RAPGEF6: variants seen among roughly 807,000 people sequenced by gnomAD.
RAPGEF6 encodes the protein PDZ domain containing guanine nucleotide exchange factor (GEF) 2.
RAPGEF6 carries 56 observed loss-of-function variants against 171.4 expected under a neutral mutation model. The observed-to-expected ratio is 0.33, with a 90% CI of 0.26 to 0.41. The LOEUF is 0.41. Among genes scored for constraint, RAPGEF6 ranks in the 10% least tolerant of loss-of-function variants. RAPGEF6 has a pLI of 1.00. For missense variants in RAPGEF6, 1,674 were observed against 1,921.4 expected (o/e 0.87, Z 2.41); for synonymous variants, 692 against 650.1 (o/e 1.06, Z -0.98).
intron 24 of RAPGEF6, among the ~76,000 whole-genome samples, chr5:131,433,940 T>C (rs1751868576): frequency 6.6e-6 from 1 of 152,202 alleles, no homozygotes; most frequent in African/African-American, 2.4e-5. Flanking sequence ...AAGGTATATC[T>C]TTCTCAGGCT....
chr5:131,498,640 TAAAC>T (rs1211045286), intron 11 of RAPGEF6, 33 bp from the exon 12 acceptor site: 1 of 1,588,528 alleles, frequency 6.3e-7, no homozygotes, highest in Admixed American at 1.7e-5. Context: ...GATTAGAAAA[TAAAC>T]AAATGACCCA....
intron 24 of RAPGEF6, among the ~76,000 whole-genome samples, chr5:131,438,485 T>G (rs1445640855): frequency 1.3e-5 from 2 of 152,200 alleles, no homozygotes; most frequent in African/African-American, 2.4e-5. Flanking sequence ...ATTATTATAA[T>G]AAGCTTGTCT....
chr5:131,604,917 TCAAA>T (rs1764464723), intron 1 of RAPGEF6, among the ~76,000 whole-genome samples: 1 of 152,172 alleles, frequency 6.6e-6, no homozygotes, highest in African/African-American at 2.4e-5. Context: ...CTCTATTCAT[TCAAA>T]CAATGCCAGA....
At chr5:131,521,628 T>C (rs1229550984) in intron 6 of RAPGEF6, 107 bp from the exon 7 acceptor site, 1 of 1,017,464 alleles carries the variant, frequency 9.8e-7, no homozygotes, top group African/African-American at 1.7e-5. Context: ...CAATCTCTTT[T>C]TTAACCCAAG....
chr5:131,551,559 ACT>A, intron 5 of RAPGEF6, among the ~76,000 whole-genome samples: 1 of 151,616 alleles, frequency 6.6e-6, no homozygotes, highest in Non-Finnish European at 1.5e-5. Flanking sequence ...GTGAATCAGG[ACT>A]CAAAACCCAA....
chr5:131,540,346 C>G (rs1760051423), intron 6 of RAPGEF6, among the ~76,000 whole-genome samples: 2 of 152,184 alleles, frequency 1.3e-5, no homozygotes, highest in African/African-American at 4.8e-5. Context: ...AGTGATTAGA[C>G]TGCGTGAGCC....
intron 4 of RAPGEF6, among the ~76,000 whole-genome samples, chr5:131,566,130 G>GTT: frequency 6.7e-6 from 1 of 149,190 alleles, no homozygotes; most frequent in African/African-American, 2.5e-5. Flanking sequence ...CTGGGTGACA[G>GTT]AATGAGACTC....
intron 15 of RAPGEF6, among the ~76,000 whole-genome samples, chr5:131,483,538 T>C (rs889775454): frequency 1.9e-4 from 29 of 152,090 alleles, no homozygotes; most frequent in African/African-American, 6.3e-4. Context: ...ATATCAGACA[T>C]TGTACATGAA....
chr5:131,596,534 T>G (rs551475779), intron 3 of RAPGEF6, among the ~76,000 whole-genome samples: 1 of 152,062 alleles, frequency 6.6e-6, no homozygotes, highest in East Asian at 1.9e-4. Flanking sequence ...GACAGATCGA[T>G]AGACCTCAAA....
intron 4 of RAPGEF6, among the ~76,000 whole-genome samples, chr5:131,566,503 C>T (rs9327616): frequency 0.64 from 96,668 of 151,900 alleles, 32,552 homozygotes; most frequent in Non-Finnish European, 0.77. Flanking sequence ...TAACAATTTC[C>T]GCATGTATAT....
chr5:131,452,750 G>C (rs1753187478), intron 21 of RAPGEF6, among the ~76,000 whole-genome samples: 1 of 151,952 alleles, frequency 6.6e-6, no homozygotes, highest in African/African-American at 2.4e-5. Context: ...ACAGGCGTGA[G>C]CCACTGCGCC....
At chr5:131,499,667 T>C (rs1756888305) in intron 11 of RAPGEF6, among the ~76,000 whole-genome samples, 1 of 151,838 alleles carries the variant, frequency 6.6e-6, no homozygotes, top group Non-Finnish European at 1.5e-5. Flanking sequence ...TTATTACCCT[T>C]TGTAGCTTTT....
chr5:131,630,568 G>C (rs530856719), intron 1 of RAPGEF6, among the ~76,000 whole-genome samples: 31 of 152,162 alleles, frequency 2.0e-4, no homozygotes, highest in Non-Finnish European at 4.1e-4. Context: ...AATTGAGAAA[G>C]AACTAGCTCA....
intron 6 of RAPGEF6, among the ~76,000 whole-genome samples, chr5:131,530,007 A>C (rs1200075915): frequency 6.7e-6 from 1 of 148,758 alleles, no homozygotes; most frequent in Non-Finnish European, 1.5e-5. Flanking sequence ...TCCCGGATTC[A>C]AGCGATTCTC....
At position 131,464,280 on chromosome 5, in the gene RAPGEF6, A is replaced by G; in HGVS notation, c.2241T>C (p.Asp747=). The G allele has an allele frequency of 6.2e-7, 1 of 1,606,840 alleles. No homozygotes were observed. Among genetic ancestry groups the G allele is most frequent in the South Asian group, 1.1e-5 (1 of 90,594 alleles). The change falls in exon 18 of 28, where the codon GAT becomes GAC. Residue 747 remains aspartate, a splice_region_variant and synonymous_variant. Coordinates refer to ENST00000509018, the MANE Select transcript of RAPGEF6 (RefSeq NM_016340.6). ...TSMLDFSNPS[D]IPDQVIRVFK... ...AAACTCTTATAACTTGATCAGGGATATCTACATAAATAGAAAGATATGCTT... is the reference window on the plus strand; with the variant it reads ...AAACTCTTATAACTTGATCAGGGATGTCTACATAAATAGAAAGATATGCTT...
At chr5:131,573,758 G>A (rs992545406) in intron 4 of RAPGEF6, among the ~76,000 whole-genome samples, 3 of 152,020 alleles carry the variant, frequency 2.0e-5, no homozygotes, top group East Asian at 1.9e-4. Context: ...AACTACCCAC[G>A]GTAAAGATGA....
chr5:131,428,084 C>T (rs1440890795), intron 27 of RAPGEF6, among the ~76,000 whole-genome samples: 10 of 151,728 alleles, frequency 6.6e-5, no homozygotes, highest in Non-Finnish European at 1.5e-4. Context: ...GCCTGAGTGA[C>T]ACAGCAAGAC....
Position 131,428,038 on chromosome 5 carries a change from G to A in RAPGEF6, c.4781-747C>T, listed in dbSNP as rs139299281. ...GAATTACCTGAGACCAGGAAGTTGA[G>A]GCTGCAGTGAGCCACGATCATGCCA... On this transcript the variant is annotated intron_variant, in intron 27 of 27. Transcript: ENST00000509018. Among the ~76,000 whole-genome samples the A allele has an allele frequency of 2.0e-5, 3 of 152,210 alleles. No individual in the cohort carries two copies. The East Asian group carries it at 5.8e-4, about 29-fold the overall frequency.
At chr5:131,541,229 G>A (rs1439157807) in intron 6 of RAPGEF6, among the ~76,000 whole-genome samples, 1 of 152,202 alleles carries the variant, frequency 6.6e-6, no homozygotes, top group Non-Finnish European at 1.5e-5. Context: ...TCTCTAAAGA[G>A]GTCATGGATG....
Sources: gnomAD v4.1 joint callset for allele counts (sites outside exome capture counted in the v4.1 genomes callset) on GRCh38, gnomAD v4.1.1 for gene constraint, MANE v1.5 for transcripts, NCBI Gene and HGNC (gene_info 2026-07-23, HGNC 2026-07-21) for gene names.